COG4: variants seen among roughly 807,000 people sequenced by gnomAD.
COG4 encodes the protein conserved oligomeric Golgi complex subunit 4.
COG4 carries 65 observed loss-of-function variants against 95.1 expected under a neutral mutation model. The ratio of observed to expected loss-of-function variants is 0.68; its 90% CI spans 0.56 to 0.84. The LOEUF (loss-of-function observed/expected upper bound fraction) is 0.84, where lower values mean the gene tolerates loss of function less well. Among genes scored for constraint, COG4 ranks in the 40% least tolerant of loss-of-function variants. The pLI is 0.00. For synonymous variants in COG4, 421 were observed against 374.8 expected, an observed-to-expected ratio of 1.12 and a Z score of -1.42; for missense variants, 1,045 against 989.1, an observed-to-expected ratio of 1.06 and a Z score of -0.76.
intron 12 of COG4, among the ~76,000 whole-genome samples, chr16:70,490,661 G>A (rs1342584062): frequency 6.6e-6 from 1 of 152,094 alleles, no homozygotes; most frequent in Non-Finnish European, 1.5e-5. Context: ...AGTGAGCTCA[G>A]GTTTCAGGTC....
chr16:70,480,921 A>G lies in COG4; in HGVS notation c.*89T>C. ...GGTCTGGGCTGTCAGATCTCCCCCA[A>G]GCCAGACAGCCTCGCTCAGCTCCTT... On this transcript the variant is annotated 3_prime_UTR_variant, in exon 19 of 19. Transcript: ENST00000323786. 4.0e-6 allele frequency: 6 copies of G among 1,512,208 alleles called. No individual in the cohort carries two copies. The South Asian group carries it at 6.8e-5, about 17-fold the overall frequency. The allele number at this position is 1,512,208 out of a possible 1,614,324, so 93.7% of individuals were successfully genotyped here.
chr16:70,497,028 A>C (rs2049353669), intron 11 of COG4, among the ~76,000 whole-genome samples, 193 bp downstream of exon 11: 1 of 152,172 alleles, frequency 6.6e-6, no homozygotes, highest in Non-Finnish European at 1.5e-5. Flanking sequence ...TCCAGGGAAC[A>C]GAAATTTGGC....
intron 4 of COG4, 102 bp from the exon 5 acceptor site, chr16:70,512,534 C>T: frequency 1.0e-6 from 1 of 953,590 alleles, no homozygotes; most frequent in East Asian, 2.6e-5. Flanking sequence ...ACGTATTAAG[C>T]ACTTACCATG....
chr16:70,523,430 G>A lies in COG4; in HGVS notation c.114C>T (p.Arg38=), dbSNP rs1299693387. ...CCAGCTCCTGCAGCTCTGTCAGGGA[G>A]CGAATGAGCTCAGCGGAGATTTCGG... ...RCSEISAELI[R]SLTELQELEA... Residue 38 remains arginine (R), a synonymous_variant, in exon 1 of 19, where the codon CGC becomes CGT. Transcript: ENST00000323786. 5 of 1,614,062 alleles carry A rather than the reference G, an allele frequency of 3.1e-6. No individual in the cohort carries two copies. In the Admixed American group the frequency reaches 6.7e-5, roughly 22 times the overall value.
At chr16:70,516,539 G>C (rs902112812) in intron 3 of COG4, among the ~76,000 whole-genome samples, 1 of 152,048 alleles carries the variant, frequency 6.6e-6, no homozygotes, top group Admixed American at 6.6e-5. Flanking sequence ...CTTGTGATCT[G>C]TCCGCCTTGG....
At chr16:70,495,228 T>TA (rs531628464) in intron 12 of COG4, among the ~76,000 whole-genome samples, 1,206 of 118,812 alleles carry the variant, frequency 0.01, 9 homozygotes, top group African/African-American at 0.019. Context: ...CAGTCTTTAC[T>TA]AAAAAAAAAA....
intron 1 of COG4, among the ~76,000 whole-genome samples, chr16:70,520,764 T>C (rs1409433818): frequency 6.6e-6 from 1 of 152,156 alleles, no homozygotes; most frequent in South Asian, 2.1e-4. Context: ...GTTATAAATA[T>C]AATTATCTCT....
intron 8 of COG4, among the ~76,000 whole-genome samples, chr16:70,506,133 A>G (rs2049561313): frequency 6.6e-6 from 1 of 152,042 alleles, no homozygotes; most frequent in African/African-American, 2.4e-5. Flanking sequence ...GCGGTGGCTC[A>G]TGCCTGTAAT....
chr16:70,513,194 T>G (rs1052166842), intron 4 of COG4, among the ~76,000 whole-genome samples: 1 of 152,188 alleles, frequency 6.6e-6, no homozygotes. Flanking sequence ...CCTTGGCATA[T>G]GGAGGAGCTT....
rs1407588036 is a variant in COG4 at position 70,523,550 on chromosome 16, C to T, written c.-7G>A. On this transcript the variant is annotated 5_prime_UTR_variant, in exon 1 of 19. In the 5' UTR this introduces an upstream ATG that the reference lacks. Transcript: ENST00000323786. ...CCGCCATCTTGGTCCCCATTCGGCA[C>T]TTCCGGTCCCGCGAGGCCCCCTCTT... 1.9e-6 allele frequency: 3 copies of T among 1,613,694 alleles called. No homozygotes were observed. The highest frequency in any genetic ancestry group is 1.7e-4 in the Middle Eastern group (1 of 5,902).
In COG4 at chr16:70,480,887, C is replaced by A; in HGVS notation, c.*123G>T. ...CCAGACTTTGTTTCTCTGCTGCCAGCCGTAGAAAGGTCTGGGCTGTCAGAT... is the reference window on the plus strand; with the variant it reads ...CCAGACTTTGTTTCTCTGCTGCCAGACGTAGAAAGGTCTGGGCTGTCAGAT... On this transcript the variant is annotated 3_prime_UTR_variant, in exon 19 of 19. Transcript: ENST00000323786. The A allele has an allele frequency of 8.5e-7, 1 of 1,172,130 alleles. No homozygotes were observed. Among genetic ancestry groups the A allele is most frequent in the Non-Finnish European group, 1.2e-6 (1 of 800,656 alleles). 72.6% of individuals were successfully genotyped at this position (1,172,130 alleles called of 1,614,324 possible).
intron 8 of COG4, among the ~76,000 whole-genome samples, chr16:70,502,226 G>A (rs2049467148): frequency 7.4e-6 from 1 of 135,374 alleles, no homozygotes; most frequent in Non-Finnish European, 1.5e-5. Context: ...AGGTTGCAGT[G>A]AGCCAAGATC....
chr16:70,515,084 T>G (rs1406401970), intron 3 of COG4, among the ~76,000 whole-genome samples: 1 of 151,652 alleles, frequency 6.6e-6, no homozygotes, highest in South Asian at 2.1e-4. Context: ...GGTGCAATCT[T>G]GGCTCACTGC....
intron 8 of COG4, among the ~76,000 whole-genome samples, chr16:70,505,753 C>T (rs929001755): frequency 6.6e-6 from 1 of 151,574 alleles, no homozygotes; most frequent in Non-Finnish European, 1.5e-5. Context: ...GGCGTGAACC[C>T]GGGAGGTGGA....
chr16:70,509,528 T>C (rs1320628701), intron 6 of COG4, 140 bp from the exon 7 acceptor site: 19 of 934,190 alleles, frequency 2.0e-5, no homozygotes, highest in Middle Eastern at 2.7e-4. Context: ...ATAGGCCTAG[T>C]CAATGCTAGG....
intron 6 of COG4, 118 bp downstream of exon 6, chr16:70,509,798 T>C (rs1040740026): frequency 3.9e-6 from 3 of 769,878 alleles, no homozygotes; most frequent in African/African-American, 1.7e-5. Flanking sequence ...AATCAATTAA[T>C]ACACAATAAA....
intron 13 of COG4, among the ~76,000 whole-genome samples, chr16:70,489,761 G>GA (rs71151186): frequency 0.35 from 52,402 of 151,854 alleles, 9,563 homozygotes; most frequent in South Asian, 0.61. Context: ...AGAGGACTGA[G>GA]GCTCAGAGGG....
intron 8 of COG4, 45 bp downstream of exon 8, chr16:70,508,361 C>T: frequency 6.8e-7 from 1 of 1,473,716 alleles, no homozygotes; most frequent in Non-Finnish European, 9.5e-7. Context: ...TACATGATTA[C>T]CAATTCAAAC....
rs189518292 is a variant in COG4, at chr16:70,481,694, G to A, written c.2106+70C>T. The A allele has an allele frequency of 5.8e-4, 827 of 1,426,436 alleles. 1 individual carries two copies. The highest frequency in any genetic ancestry group is 1.3e-3 in the Admixed American group (75 of 56,234). The allele number at this position is 1,426,436 out of a possible 1,614,324, so 88.4% of individuals were successfully genotyped here. On this transcript the variant is annotated intron_variant, in intron 17 of 18. Transcript: ENST00000323786. Reference sequence around the variant, plus strand: ...CAGACAGAGGGGATGCAAGTCCTGGGGGTGGTGGCATGACATGTCTTCCTC... The same window carrying A: ...CAGACAGAGGGGATGCAAGTCCTGGAGGTGGTGGCATGACATGTCTTCCTC...
Sources: allele counts gnomAD v4.1 joint callset (sites outside exome capture counted in the v4.1 genomes callset), GRCh38; gene constraint gnomAD v4.1.1; transcripts MANE v1.5; gene names NCBI Gene and HGNC (gene_info 2026-07-23, HGNC 2026-07-21).